The following SPAG17 variants were observed in gnomAD, a reference collection of about 807,000 sequenced individuals.
SPAG17 encodes the protein sperm associated antigen 17.
SPAG17 carries 169 observed loss-of-function variants against 273.6 expected under a neutral mutation model. The observed-to-expected ratio is 0.62, with a 90% CI of 0.55 to 0.70. SPAG17 has a LOEUF of 0.70. Ranked by LOEUF, SPAG17 falls within the 30% of genes least tolerant of loss-of-function variation. The pLI is 0.00. For missense variants in SPAG17, 2,557 were observed against 2,627.8 expected (o/e 0.97, Z 0.59); for synonymous variants, 825 against 873.2 (o/e 0.94, Z 0.97).
intron 1 of SPAG17, among the ~76,000 whole-genome samples, chr1:118,183,615 G>C (rs1054355365): frequency 7.2e-5 from 11 of 152,272 alleles, no homozygotes; most frequent in Admixed American, 2.0e-4. Context: ...GATCAAGAAA[G>C]CTGAATATTA....
chr1:118,043,920 A>G (rs1650057472), intron 20 of SPAG17, among the ~76,000 whole-genome samples: 1 of 152,212 alleles, frequency 6.6e-6, no homozygotes, highest in East Asian at 1.9e-4. Context: ...TAAAAATATC[A>G]ACATTCATAT....
intron 3 of SPAG17, among the ~76,000 whole-genome samples, chr1:118,126,162 A>C (rs1657715160): frequency 6.9e-6 from 1 of 144,168 alleles, no homozygotes; most frequent in Admixed American, 7.0e-5. Flanking sequence ...GTTGCCACTT[A>C]CATGTTCTCT....
chr1:118,158,507 G>A (rs541890609), intron 1 of SPAG17, among the ~76,000 whole-genome samples: 1 of 152,186 alleles, frequency 6.6e-6, no homozygotes, highest in African/African-American at 2.4e-5. Flanking sequence ...ATATTAATCT[G>A]ATCAATTTTG....
chr1:118,012,146 G>T, intron 30 of SPAG17, 82 bp downstream of exon 30: 3 of 1,394,472 alleles, frequency 2.2e-6, no homozygotes, highest in Non-Finnish European at 3.0e-6. Flanking sequence ...TTATGTGTAT[G>T]TTCAGCAGTC....
intron 25 of SPAG17, among the ~76,000 whole-genome samples, chr1:118,029,228 C>T (rs1225341695): frequency 2.0e-5 from 3 of 152,050 alleles, no homozygotes; most frequent in Non-Finnish European, 2.9e-5. Flanking sequence ...AGCAAGAAGT[C>T]CATCTTAAAT....
intron 46 of SPAG17, among the ~76,000 whole-genome samples, chr1:117,967,572 T>C (rs1654020932): frequency 6.6e-6 from 1 of 152,186 alleles, no homozygotes; most frequent in African/African-American, 2.4e-5. Flanking sequence ...GTTGGACAAA[T>C]GTGACTTTAG....
Position 118,028,401 on chromosome 1 carries a change from A to G in SPAG17, c.3610-7T>C. The G allele has an allele frequency of 6.2e-7, 1 of 1,611,996 alleles. No individual in the cohort carries two copies. The highest frequency in any genetic ancestry group is 1.3e-5 in the African/African-American group (1 of 74,890). ...CTGGTTCTACTTCTTCTTCCTGTAA[A>G]TAATTCAGCATGTGAATAATGGGCT... On this transcript the variant is annotated splice_region_variant and splice_polypyrimidine_tract_variant and intron_variant, in intron 25 of 48. Coordinates refer to ENST00000336338, the MANE Select transcript of SPAG17 (RefSeq NM_206996.4).
At chr1:117,988,933 G>A (rs932833902) in intron 38 of SPAG17, among the ~76,000 whole-genome samples, 3 of 152,108 alleles carry the variant, frequency 2.0e-5, no homozygotes, top group Non-Finnish European at 2.9e-5. Context: ...TAATTAACAT[G>A]TCAGGTATGC....
intron 39 of SPAG17, 24 bp downstream of exon 39, chr1:117,988,081 G>T: frequency 6.4e-7 from 1 of 1,567,340 alleles, no homozygotes; most frequent in South Asian, 1.2e-5. Flanking sequence ...ATACTAATTA[G>T]AACACATTAT....
Position 118,106,290 on chromosome 1 carries a change from C to T in SPAG17, c.448-4364G>A, listed in dbSNP as rs1034583665. Among the ~76,000 whole-genome samples, 13 of 152,132 alleles carry T rather than the reference C, an allele frequency of 8.5e-5. No individual in the cohort carries two copies. In the East Asian group the frequency reaches 1.3e-3, roughly 16 times the overall value. Reference sequence around the variant, plus strand: ...TTACTATAGTCCAAATATTCTATCTCGTCAAGTCTTCACAATAACTACAAT... The same window carrying T: ...TTACTATAGTCCAAATATTCTATCTTGTCAAGTCTTCACAATAACTACAAT... On this transcript the variant is annotated intron_variant, in intron 4 of 48. Coordinates refer to ENST00000336338, the MANE Select transcript of SPAG17 (RefSeq NM_206996.4).
intron 20 of SPAG17, among the ~76,000 whole-genome samples, chr1:118,052,758 A>G (rs1489860924): frequency 6.6e-6 from 1 of 152,044 alleles, no homozygotes; most frequent in African/African-American, 2.4e-5. Flanking sequence ...TGACAATACA[A>G]AAGTCTGTAG....
intron 18 of SPAG17, among the ~76,000 whole-genome samples, chr1:118,060,128 T>C (rs1652124235): frequency 1.3e-5 from 2 of 152,256 alleles, no homozygotes; most frequent in Middle Eastern, 3.4e-3. Context: ...GCTGTCTTCC[T>C]TTTTGACTGG....
chr1:118,118,714 T>C (rs1045722322), intron 3 of SPAG17, among the ~76,000 whole-genome samples: 1 of 152,150 alleles, frequency 6.6e-6, no homozygotes, highest in East Asian at 1.9e-4. Context: ...CCAGGAATGA[T>C]TGGTGAATGA....
intron 3 of SPAG17, among the ~76,000 whole-genome samples, chr1:118,144,121 CCTTTA>C (rs1658836608): frequency 6.6e-6 from 1 of 152,222 alleles, no homozygotes; most frequent in Non-Finnish European, 1.5e-5. Flanking sequence ...TTTTTGAATG[CCTTTA>C]CTTGAGTTCT....
intron 17 of SPAG17, among the ~76,000 whole-genome samples, chr1:118,068,000 T>C (rs1573160): frequency 0.5 from 76,225 of 151,944 alleles, 19,675 homozygotes; most frequent in African/African-American, 0.57. Context: ...TTATCCTGTT[T>C]CCTTTGCCAA....
intron 1 of SPAG17, among the ~76,000 whole-genome samples, chr1:118,154,425 C>T (rs1659544434): frequency 6.6e-6 from 1 of 152,074 alleles, no homozygotes; most frequent in Non-Finnish European, 1.5e-5. Context: ...AGCAGGGGGG[C>T]AGTAAGATGC....
At chr1:118,074,084 G>GGATT in intron 16 of SPAG17, 117 bp from the exon 17 acceptor site, 6 of 676,502 alleles carry the variant, frequency 8.9e-6, no homozygotes, top group South Asian at 2.2e-5. Flanking sequence ...ATCTGCATAT[G>GGATT]TATAAATCCA....
intron 18 of SPAG17, among the ~76,000 whole-genome samples, chr1:118,061,711 T>C (rs1338100922): frequency 6.6e-6 from 1 of 152,230 alleles, no homozygotes; most frequent in Non-Finnish European, 1.5e-5. Flanking sequence ...GTGGTGATGG[T>C]ATATGTTCAT....
At chr1:118,131,329 C>T (rs1048079605) in intron 3 of SPAG17, among the ~76,000 whole-genome samples, 1 of 152,262 alleles carries the variant, frequency 6.6e-6, no homozygotes, top group South Asian at 2.1e-4. Context: ...AGGCTCTTCC[C>T]CAGATGACCA....
Sources: allele counts gnomAD v4.1 joint callset (sites outside exome capture counted in the v4.1 genomes callset), GRCh38; gene constraint gnomAD v4.1.1; transcripts MANE v1.5; gene names NCBI Gene and HGNC (gene_info 2026-07-23, HGNC 2026-07-21).